The following FAM135B variants were observed in gnomAD, a reference collection of about 807,000 sequenced individuals.
FAM135B encodes family with sequence similarity 135 member B.
In FAM135B, 43 loss-of-function variants were observed where a neutral mutation model predicts 127.7. That is an observed-to-expected ratio of 0.34 (90% CI 0.26 to 0.43). The LOEUF is 0.43. Among genes scored for constraint, FAM135B ranks in the 20% least tolerant of loss-of-function variants. The pLI is 1.00. For synonymous variants in FAM135B, 670 were observed against 665.1 expected (o/e 1.01, Z -0.11); for missense variants, 1,558 against 1,725.6 (o/e 0.90, Z 1.72).
At chr8:138,338,931 TA>T (rs1338055067) in intron 2 of FAM135B, among the ~76,000 whole-genome samples, 1 of 151,796 alleles carries the variant, frequency 6.6e-6, no homozygotes, top group Admixed American at 6.6e-5. Context: ...TATGCAGCCA[TA>T]AAAAATGATG....
At chr8:138,491,626 C>T (rs892449533) in intron 1 of FAM135B, among the ~76,000 whole-genome samples, 3 of 152,200 alleles carry the variant, frequency 2.0e-5, no homozygotes, top group African/African-American at 7.2e-5. Flanking sequence ...TTCATTCATT[C>T]ATTCAGCAAA....
intron 7 of FAM135B, among the ~76,000 whole-genome samples, chr8:138,215,831 A>T (rs1818501016): frequency 6.6e-6 from 1 of 152,162 alleles, no homozygotes; most frequent in African/African-American, 2.4e-5. Context: ...CCACGCAAAG[A>T]TTAGAGAAGC....
intron 2 of FAM135B, among the ~76,000 whole-genome samples, chr8:138,319,760 C>T (rs1827331010): frequency 6.6e-6 from 1 of 152,144 alleles, no homozygotes; most frequent in African/African-American, 2.4e-5. Flanking sequence ...TCCTAATGTT[C>T]AGAACCTGTA....
At chr8:138,363,523 T>C (rs1461673922) in intron 2 of FAM135B, among the ~76,000 whole-genome samples, 2 of 151,986 alleles carry the variant, frequency 1.3e-5, no homozygotes, top group Non-Finnish European at 2.9e-5. Context: ...AATGTGGGGG[T>C]GATATCGTAT....
intron 1 of FAM135B, among the ~76,000 whole-genome samples, chr8:138,378,952 G>A (rs1045585008): frequency 3.9e-5 from 6 of 152,108 alleles, no homozygotes; most frequent in African/African-American, 1.4e-4. Flanking sequence ...CTCTATTAAG[G>A]GAGCAGCAGC....
intron 1 of FAM135B, among the ~76,000 whole-genome samples, chr8:138,495,224 G>T (rs1815346413): frequency 6.6e-6 from 1 of 152,180 alleles, no homozygotes; most frequent in African/African-American, 2.4e-5. Flanking sequence ...CTGGTAAACT[G>T]CAAGACTTGT....
intron 7 of FAM135B, among the ~76,000 whole-genome samples, chr8:138,206,262 G>GTATCCCCTCCACCTAGCCACAA (rs1487767507): frequency 1.0e-4 from 1 of 9,710 alleles, no homozygotes; most frequent in South Asian, 3.6e-3. Context: ...CCTACACACA[G>GTATCCCCTCCACCTAGCCACAA]CTCTATCATC....
rs1437584660 is a variant in FAM135B, at chr8:138,132,546, T to C, written c.*47A>G. The C allele has an allele frequency of 6.6e-7, 1 of 1,506,578 alleles. No homozygotes were observed. The highest frequency in any genetic ancestry group is 9.2e-7 in the Non-Finnish European group (1 of 1,084,322). The allele number at this position is 1,506,578 out of a possible 1,614,324, so 93.3% of individuals were successfully genotyped here. A position where few individuals can be genotyped will look rare whatever the true frequency, so the allele number is the denominator to read the frequency against. On this transcript the variant is annotated 3_prime_UTR_variant, in exon 20 of 20. Coordinates refer to ENST00000395297, the MANE Select transcript of FAM135B (RefSeq NM_015912.4). This position sits in a 1 kb window ranked among gnomAD's most constrained non-coding sequence, Gnocchi z 4.5. ...TGTAAAAGCAGGTCTCAGCTAAAGC[T>C]CTCCACCGATCGTAAGCATTACCAA...
chr8:138,219,805 C>T (rs1396166366), intron 7 of FAM135B, among the ~76,000 whole-genome samples: 3 of 152,028 alleles, frequency 2.0e-5, no homozygotes, highest in Non-Finnish European at 4.4e-5. Flanking sequence ...TTTTACTAGT[C>T]AGCTCTTTCC....
At chr8:138,447,356 A>T (rs80142775) in intron 1 of FAM135B, among the ~76,000 whole-genome samples, 1 of 151,692 alleles carries the variant, frequency 6.6e-6, no homozygotes, top group Admixed American at 6.6e-5. Context: ...ACATGCACAC[A>T]TATGTTTATT....
At chr8:138,320,677 C>A (rs1362789340) in intron 2 of FAM135B, among the ~76,000 whole-genome samples, 2 of 152,170 alleles carry the variant, frequency 1.3e-5, no homozygotes, top group African/African-American at 2.4e-5. Context: ...TCCATTACCA[C>A]CAGCCACTGA....
chr8:138,138,813 C>A (rs1293390887), intron 18 of FAM135B, among the ~76,000 whole-genome samples, 173 bp downstream of exon 18: 1 of 152,260 alleles, frequency 6.6e-6, no homozygotes, highest in East Asian at 1.9e-4. Flanking sequence ...GCAAGAGGAG[C>A]TGAGTTCCTG....
chr8:138,353,909 T>A (rs1829929293), intron 2 of FAM135B, among the ~76,000 whole-genome samples: 1 of 152,108 alleles, frequency 6.6e-6, no homozygotes. Context: ...TTTAGACCTA[T>A]AAACTCACAT....
chr8:138,260,024 T>C (rs997049036), intron 4 of FAM135B, among the ~76,000 whole-genome samples: 1 of 152,192 alleles, frequency 6.6e-6, no homozygotes, highest in African/African-American at 2.4e-5. Flanking sequence ...AGGGTGCAAG[T>C]ACAAAGGAAC....
intron 9 of FAM135B, among the ~76,000 whole-genome samples, chr8:138,194,327 T>C (rs1357276741): frequency 6.6e-6 from 1 of 152,154 alleles, no homozygotes; most frequent in African/African-American, 2.4e-5. Flanking sequence ...TTCCGCCCTC[T>C]CCAGGGATCT....
chr8:138,388,394 T>C (rs944333920), intron 1 of FAM135B, among the ~76,000 whole-genome samples: 1 of 152,198 alleles, frequency 6.6e-6, no homozygotes, highest in Non-Finnish European at 1.5e-5. Context: ...TGCTCCCCAG[T>C]ACCTACCCAA....
chr8:138,226,821 C>CAA (rs1212943639), intron 7 of FAM135B, among the ~76,000 whole-genome samples: 2 of 152,196 alleles, frequency 1.3e-5, no homozygotes, highest in Non-Finnish European at 2.9e-5. Context: ...CTCAGCCTCC[C>CAA]AAAGTGCTGG....
chr8:138,271,070 C>T (rs145691152), intron 3 of FAM135B, among the ~76,000 whole-genome samples: 1 of 152,246 alleles, frequency 6.6e-6, no homozygotes, highest in Non-Finnish European at 1.5e-5. Flanking sequence ...AGAAAATGAC[C>T]ACACTTCATT....
intron 7 of FAM135B, among the ~76,000 whole-genome samples, chr8:138,200,632 C>A (rs564046181): frequency 5.9e-5 from 9 of 152,216 alleles, no homozygotes; most frequent in Admixed American, 2.6e-4. Flanking sequence ...TGTCCCATTC[C>A]CCCCAGCCTA....
Sources: gnomAD v4.1 joint callset for allele counts (sites outside exome capture counted in the v4.1 genomes callset) on GRCh38, gnomAD v4.1.1 for gene constraint, Gnocchi (gnomAD v3.1) non-coding constraint, MANE v1.5 for transcripts, NCBI Gene and HGNC (gene_info 2026-07-23, HGNC 2026-07-21) for gene names.